Variants in OR9Q1 observed in about 807,000 individuals in gnomAD.
OR9Q1 encodes olfactory receptor family 9 subfamily Q member 1.
For missense variants in OR9Q1, 374 were observed against 378.8 expected, an observed-to-expected ratio of 0.99 and a Z score of 0.11; for synonymous variants, 153 against 148.6, an observed-to-expected ratio of 1.03 and a Z score of -0.22.
At chr11:58,091,724 A>G (rs1338885540) in intron 2 of OR9Q1, among the ~76,000 whole-genome samples, 1 of 151,644 alleles carries the variant, frequency 6.6e-6, no homozygotes, top group Non-Finnish European at 1.5e-5. Context: ...TTATTGATCT[A>G]ATATTGACAG....
chr11:58,148,645 G>A (rs1395486293), intron 2 of OR9Q1, among the ~76,000 whole-genome samples: 1 of 152,170 alleles, frequency 6.6e-6, no homozygotes, highest in Non-Finnish European at 1.5e-5. Flanking sequence ...AGCATGTTTG[G>A]TTTGAAGGTT....
At chr11:58,097,598 T>G (rs536448534) in intron 2 of OR9Q1, among the ~76,000 whole-genome samples, 1 of 152,342 alleles carries the variant, frequency 6.6e-6, no homozygotes, top group South Asian at 2.1e-4. Flanking sequence ...ATTCCACTCC[T>G]AGCTATTTGC....
intron 2 of OR9Q1, among the ~76,000 whole-genome samples, chr11:58,149,606 T>C (rs1379621146): frequency 6.6e-6 from 1 of 152,166 alleles, no homozygotes; most frequent in African/African-American, 2.4e-5. Flanking sequence ...CTGTACCCAT[T>C]AACTCCCCAT....
chr11:58,067,872 C>T (rs766824115), intron 2 of OR9Q1, among the ~76,000 whole-genome samples: 6 of 152,212 alleles, frequency 3.9e-5, no homozygotes, highest in Non-Finnish European at 8.8e-5. Context: ...GAAGGGCATG[C>T]TCTGCAAGGG....
At chr11:58,034,799 T>TCCC in intron 1 of OR9Q1, among the ~76,000 whole-genome samples, 2 of 134,658 alleles carry the variant, frequency 1.5e-5, no homozygotes, top group East Asian at 4.6e-4. Context: ...TCTCCCTTCC[T>TCCC]TCCTTCCTTC....
chr11:58,026,413 G>A (rs1852973277), intron 1 of OR9Q1, among the ~76,000 whole-genome samples: 1 of 152,128 alleles, frequency 6.6e-6, no homozygotes, highest in Non-Finnish European at 1.5e-5. Context: ...TGGGCATGGT[G>A]GCTCATGCCT....
At chr11:58,026,465 T>G (rs1852973839) in intron 1 of OR9Q1, among the ~76,000 whole-genome samples, 1 of 152,046 alleles carries the variant, frequency 6.6e-6, no homozygotes, top group Non-Finnish European at 1.5e-5. Flanking sequence ...GTGGATCATT[T>G]GAGGTCAGGA....
chr11:58,113,990 T>A (rs1341561731), intron 2 of OR9Q1, among the ~76,000 whole-genome samples: 1 of 152,108 alleles, frequency 6.6e-6, no homozygotes, highest in Non-Finnish European at 1.5e-5. Context: ...TCTGAGCAGG[T>A]CCAAGGAGAA....
chr11:58,132,942 G>A (rs759796569), intron 2 of OR9Q1, among the ~76,000 whole-genome samples: 24 of 152,132 alleles, frequency 1.6e-4, no homozygotes, highest in African/African-American at 4.8e-4. Context: ...ATAGGGCAGA[G>A]CTCCAGCTCC....
chr11:58,180,977 C>G lies in OR9Q1; in HGVS notation c.*600C>G, dbSNP rs1854659770. 2 of 166,978 alleles carry G rather than the reference C, an allele frequency of 1.2e-5. No homozygotes were observed. The highest frequency in any genetic ancestry group is 4.8e-5 in the African/African-American group (2 of 41,406). 10.3% of individuals were successfully genotyped at this position (166,978 alleles called of 1,614,324 possible). A position where few individuals can be genotyped will look rare whatever the true frequency, so the allele number is the denominator to read the frequency against. On this transcript the variant is annotated 3_prime_UTR_variant, in exon 3 of 3. Transcript: ENST00000335397. ...TTAGATTACATTTATTTTTAATGAT[C>G]AAACTATGGTCGTTTGATGATCCAA...
intron 2 of OR9Q1, among the ~76,000 whole-genome samples, chr11:58,135,963 G>C (rs996753869): frequency 2.0e-5 from 3 of 152,146 alleles, no homozygotes; most frequent in African/African-American, 7.2e-5. Flanking sequence ...TGGGTTCTTA[G>C]CCCAGTGCTT....
chr11:58,147,660 T>C (rs915098248), intron 2 of OR9Q1, among the ~76,000 whole-genome samples: 9 of 152,180 alleles, frequency 5.9e-5, no homozygotes, highest in Non-Finnish European at 1.2e-4. Flanking sequence ...ACCAAGTGGA[T>C]AAAAATAAAA....
chr11:58,159,737 G>A (rs1854440719), intron 2 of OR9Q1, among the ~76,000 whole-genome samples: 1 of 152,200 alleles, frequency 6.6e-6, no homozygotes, highest in African/African-American at 2.4e-5. Context: ...TAGAATGATA[G>A]CAGTGAAGAT....
chr11:58,111,372 G>C (rs560915139), intron 2 of OR9Q1, among the ~76,000 whole-genome samples: 7 of 152,232 alleles, frequency 4.6e-5, no homozygotes, highest in East Asian at 1.9e-4. Context: ...TGCTTCAACT[G>C]TCTGCTCCTT....
chr11:58,161,425 C>A (rs1312569437), intron 2 of OR9Q1, among the ~76,000 whole-genome samples: 2 of 152,064 alleles, frequency 1.3e-5, no homozygotes, highest in African/African-American at 4.8e-5. Flanking sequence ...GAAAATACTG[C>A]CTGAATTCTC....
chr11:58,136,769 C>T (rs1854193494), intron 2 of OR9Q1, among the ~76,000 whole-genome samples: 1 of 152,150 alleles, frequency 6.6e-6, no homozygotes, highest in Non-Finnish European at 1.5e-5. Flanking sequence ...AGAAGGATCA[C>T]ATTAATGTGT....
chr11:58,157,416 G>A (rs991887397), intron 2 of OR9Q1, among the ~76,000 whole-genome samples: 4 of 152,118 alleles, frequency 2.6e-5, no homozygotes, highest in African/African-American at 4.8e-5. Flanking sequence ...TTCAATAACT[G>A]TCTATTTCCC....
intron 2 of OR9Q1, among the ~76,000 whole-genome samples, chr11:58,062,419 A>C (rs1853388751): frequency 6.6e-6 from 1 of 152,170 alleles, no homozygotes; most frequent in African/African-American, 2.4e-5. Context: ...AGTCCTAAGG[A>C]TATGCCTGGC....
At chr11:58,111,310 A>G (rs1177371497) in intron 2 of OR9Q1, among the ~76,000 whole-genome samples, 1 of 152,186 alleles carries the variant, frequency 6.6e-6, no homozygotes, top group East Asian at 1.9e-4. Context: ...CCTTAAGAGC[A>G]GGAGTTTATG....
Sources: gnomAD v4.1 joint callset for allele counts (sites outside exome capture counted in the v4.1 genomes callset) on GRCh38, gnomAD v4.1.1 for gene constraint, MANE v1.5 for transcripts, NCBI Gene and HGNC (gene_info 2026-07-23, HGNC 2026-07-21) for gene names.